Variants in ROR1 observed in about 807,000 individuals in gnomAD.
ROR1 encodes ROR family WNT receptor 1.
ROR1 carries 19 observed loss-of-function variants against 78.8 expected under a neutral mutation model. The ratio of observed to expected loss-of-function variants is 0.24; its 90% confidence interval spans 0.17 to 0.35. ROR1 has a LOEUF of 0.35. Ranked by LOEUF, ROR1 falls within the 10% of genes least tolerant of loss-of-function variation. The pLI is 1.00. For missense variants in ROR1, 917 were observed against 1,177.8 expected (o/e 0.78, Z 3.24); for synonymous variants, 386 against 433.6 (o/e 0.89, Z 1.36).
At chr1:64,093,387 T>A (rs1252885094) in intron 4 of ROR1, among the ~76,000 whole-genome samples, 1 of 152,308 alleles carries the variant, frequency 6.6e-6, no homozygotes, top group East Asian at 1.9e-4. Flanking sequence ...AAGAAAGACT[T>A]GAGAGAGCAT....
At chr1:64,142,776 T>G in intron 7 of ROR1, 126 bp downstream of exon 7, 6 of 1,475,806 alleles carry the variant, frequency 4.1e-6, no homozygotes, top group Non-Finnish European at 8.9e-7. Context: ...GATCTCAATC[T>G]GGTTTTAGGG....
At chr1:63,778,716 C>A (rs549877527) in intron 1 of ROR1, among the ~76,000 whole-genome samples, 6 of 152,302 alleles carry the variant, frequency 3.9e-5, no homozygotes, top group Admixed American at 2.6e-4. Context: ...CTCACTGAAT[C>A]CTCACAACAA....
At chr1:64,036,838 C>G (rs1023604627) in intron 2 of ROR1, among the ~76,000 whole-genome samples, 3 of 152,192 alleles carry the variant, frequency 2.0e-5, no homozygotes, top group Non-Finnish European at 4.4e-5. Flanking sequence ...TGCAGAGTCT[C>G]TCATGTGGTT....
intron 1 of ROR1, among the ~76,000 whole-genome samples, chr1:63,844,864 T>C (rs533935054): frequency 6.6e-6 from 1 of 152,274 alleles, no homozygotes; most frequent in South Asian, 2.1e-4. Context: ...GATCTTCAAT[T>C]TCTCAGAATA....
At chr1:63,814,052 G>A (rs1569756931) in intron 1 of ROR1, among the ~76,000 whole-genome samples, 1 of 152,156 alleles carries the variant, frequency 6.6e-6, no homozygotes, top group African/African-American at 2.4e-5. Flanking sequence ...GATTACTGAG[G>A]TAGCAACATC....
intron 7 of ROR1, chr1:64,142,938 A>G: frequency 8.3e-7 from 1 of 1,204,120 alleles, no homozygotes; most frequent in Non-Finnish European, 1.0e-6. Flanking sequence ...TATCACATTG[A>G]TTTTTATAGA....
At chr1:63,804,404 C>T (rs1012142427) in intron 1 of ROR1, among the ~76,000 whole-genome samples, 3 of 152,106 alleles carry the variant, frequency 2.0e-5, no homozygotes, top group Admixed American at 1.3e-4. Flanking sequence ...AACTGGATGA[C>T]GGGTATGTGA....
intron 4 of ROR1, among the ~76,000 whole-genome samples, chr1:64,112,683 T>C (rs1648153661): frequency 6.6e-6 from 1 of 152,144 alleles, no homozygotes; most frequent in Non-Finnish European, 1.5e-5. Context: ...CTCTTCCTCT[T>C]TCAACCTCAT....
intron 5 of ROR1, among the ~76,000 whole-genome samples, chr1:64,138,107 A>G (rs532526353): frequency 1.3e-5 from 2 of 152,336 alleles, no homozygotes; most frequent in Admixed American, 1.3e-4. Context: ...ACTAGCACAC[A>G]TGAGTTAAAG....
chr1:63,805,891 C>T lies in ROR1; in HGVS notation c.91+31383C>T, dbSNP rs113248049. Among the ~76,000 whole-genome samples, 220 of 152,258 alleles carry T rather than the reference C, an allele frequency of 1.4e-3. 1 individual carries two copies. The highest frequency in any genetic ancestry group is 5.0e-3 in the African/African-American group (209 of 41,544). On this transcript the variant is annotated intron_variant, in intron 1 of 8. Coordinates refer to ENST00000371079, the MANE Select transcript of ROR1 (RefSeq NM_005012.4). ...AAAATTAGCCTGGTGCAGTGGAATGCACCTGTAGTCCCAAATACTAGGAAG... is the reference window on the plus strand; with the variant it reads ...AAAATTAGCCTGGTGCAGTGGAATGTACCTGTAGTCCCAAATACTAGGAAG...
At chr1:63,814,246 A>G (rs1365194543) in intron 1 of ROR1, among the ~76,000 whole-genome samples, 1 of 152,150 alleles carries the variant, frequency 6.6e-6, no homozygotes, top group East Asian at 1.9e-4. Context: ...GTTCATCAAA[A>G]TCTCAGACTG....
intron 2 of ROR1, among the ~76,000 whole-genome samples, chr1:64,046,017 C>T (rs1476856207): frequency 6.6e-6 from 1 of 152,170 alleles, no homozygotes; most frequent in African/African-American, 2.4e-5. Flanking sequence ...GTACAAACAG[C>T]CAGGTTTACA....
intron 1 of ROR1, among the ~76,000 whole-genome samples, chr1:63,993,029 A>T (rs2100523381): frequency 6.6e-6 from 1 of 152,344 alleles, no homozygotes; most frequent in South Asian, 2.1e-4. Context: ...GGATTTAAAG[A>T]TCAGTACTCA....
Position 63,774,319 on chromosome 1 carries a change from AGCGGCCGGGACGAG to A in ROR1, c.-88_-75del, listed in dbSNP as rs1169305556. 8.6e-6 allele frequency: 6 copies of A among 698,646 alleles called. No individual in the cohort carries two copies. The highest frequency in any genetic ancestry group is 2.0e-5 in the South Asian group (1 of 49,426). 43.3% of individuals were successfully genotyped at this position (698,646 alleles called of 1,614,324 possible). ...ACGTCCCCGGCGTCCTGCGAGCGCCAGCGGCCGGGACGAGGCGGCCGGGAGCCCGGGAAGAGCCC... is the reference window on the plus strand; with the variant it reads ...ACGTCCCCGGCGTCCTGCGAGCGCCAGCGGCCGGGAGCCCGGGAAGAGCCC... On this transcript the variant is annotated 5_prime_UTR_variant, in exon 1 of 9. Coordinates refer to ENST00000371079, the MANE Select transcript of ROR1 (RefSeq NM_005012.4). This position sits in a 1 kb window ranked among gnomAD's most constrained non-coding sequence, Gnocchi z 5.7.
intron 1 of ROR1, among the ~76,000 whole-genome samples, chr1:63,942,315 C>A (rs1172029745): frequency 6.6e-6 from 1 of 152,166 alleles, no homozygotes; most frequent in East Asian, 1.9e-4. Flanking sequence ...TGATTCTTCT[C>A]CTTCTCCTTT....
chr1:63,843,449 G>A (rs1287807375), intron 1 of ROR1: 3 of 741,126 alleles, frequency 4.0e-6, no homozygotes, highest in East Asian at 5.9e-5. Flanking sequence ...GGGTGTAGTG[G>A]CAGTCCTTAT....
chr1:64,051,454 A>AT lies in ROR1; in HGVS notation c.482+739dup, dbSNP rs1355571384. Among the ~76,000 whole-genome samples, 506 of 54,820 alleles carry AT rather than the reference A, an allele frequency of 9.2e-3. 3 individuals carry two copies. The highest frequency in any genetic ancestry group is 0.02 in the African/African-American group (485 of 24,350). The allele number at this position is 54,820 out of a possible 152,430, so 36.0% of individuals were successfully genotyped here. On this transcript the variant is annotated intron_variant, in intron 4 of 8. Coordinates refer to ENST00000371079, the MANE Select transcript of ROR1 (RefSeq NM_005012.4). ...AGCAGAGTGAGACTCCGTCTCAAAA[A>AT]TAAAAAATAAAATAAAATAAAATAA... is the stretch of plus-strand genomic sequence containing the variant.
chr1:63,938,182 T>G (rs187986686), intron 1 of ROR1, among the ~76,000 whole-genome samples: 1 of 152,298 alleles, frequency 6.6e-6, no homozygotes, highest in African/African-American at 2.4e-5. Flanking sequence ...ATGAGCAGAA[T>G]TTTTTCTTCT....
intron 1 of ROR1, among the ~76,000 whole-genome samples, chr1:63,862,579 A>G (rs779809397): frequency 6.6e-6 from 1 of 152,066 alleles, no homozygotes; most frequent in African/African-American, 2.4e-5. Context: ...TTTTGAGTAA[A>G]GAAACCCGAG....
Sources: gnomAD v4.1 joint callset for allele counts (sites outside exome capture counted in the v4.1 genomes callset) on GRCh38, gnomAD v4.1.1 for gene constraint, Gnocchi (gnomAD v3.1) non-coding constraint, MANE v1.5 for transcripts, NCBI Gene and HGNC (gene_info 2026-07-23, HGNC 2026-07-21) for gene names.